Variants in LGR5 observed in about 807,000 individuals in gnomAD.
LGR5 encodes the protein leucine-rich repeat-containing G protein-coupled receptor 5.
Under a neutral mutation model 76.7 loss-of-function variants are expected in LGR5, and 54 were observed. That is an observed-to-expected ratio of 0.70 (90% CI 0.57 to 0.88). The LOEUF (loss-of-function observed/expected upper bound fraction) is 0.88. Among genes scored for constraint, LGR5 ranks in the 40% least tolerant of loss-of-function variants. LGR5 has a pLI of 0.00. For synonymous variants in LGR5, 406 were observed against 421.9 expected, an observed-to-expected ratio of 0.96 and a Z score of 0.46; for missense variants, 1,078 against 1,073.3, an observed-to-expected ratio of 1.00 and a Z score of -0.06.
At position 71,440,296 on chromosome 12, in the gene LGR5, A is replaced by G; in HGVS notation, c.212+4A>G. ...TCAGCGTCTTCACCTCCTACCTGTAAGTACTTCCCCACGTCACTCCGGGAG... is the reference window on the plus strand; with the variant it reads ...TCAGCGTCTTCACCTCCTACCTGTAGGTACTTCCCCACGTCACTCCGGGAG... On this transcript the variant is annotated splice_donor_region_variant and intron_variant, in intron 1 of 17. Transcript: ENST00000266674. The surrounding 1 kb of genome is among the most constrained non-coding windows in gnomAD (Gnocchi z 5.3). 6.2e-7 allele frequency: 1 copy of G among 1,608,692 alleles called. No homozygotes were observed. The highest frequency in any genetic ancestry group is 2.2e-5 in the East Asian group (1 of 44,848).
At chr12:71,459,469 A>G (rs764509477) in intron 1 of LGR5, among the ~76,000 whole-genome samples, 2 of 152,132 alleles carry the variant, frequency 1.3e-5, no homozygotes, top group Non-Finnish European at 2.9e-5. Context: ...AGAAAGCATG[A>G]GTCCCCTCTA....
intron 3 of LGR5, 41 bp downstream of exon 3, chr12:71,524,518 G>A (rs1348059153): frequency 7.3e-7 from 1 of 1,376,706 alleles, no homozygotes; most frequent in Non-Finnish European, 1.0e-6. Flanking sequence ...TCTGATTTTA[G>A]TGTCAAATGG....
chr12:71,556,870 G>T (rs534614014), intron 6 of LGR5, among the ~76,000 whole-genome samples, 180 bp downstream of exon 6: 1 of 152,276 alleles, frequency 6.6e-6, no homozygotes, highest in African/African-American at 2.4e-5. Flanking sequence ...ATAAAACTGG[G>T]ATTTTATTTT....
At chr12:71,494,274 C>T (rs1325308656) in intron 1 of LGR5, among the ~76,000 whole-genome samples, 2 of 150,506 alleles carry the variant, frequency 1.3e-5, no homozygotes, top group African/African-American at 5.0e-5. Context: ...GACTAGGTCT[C>T]ACTATGTTGC....
intron 1 of LGR5, among the ~76,000 whole-genome samples, chr12:71,449,788 C>T (rs931182958): frequency 1.3e-5 from 2 of 152,126 alleles, no homozygotes; most frequent in African/African-American, 4.8e-5. Flanking sequence ...GAGCTAATAC[C>T]TAACTACATT....
At chr12:71,526,426 C>G (rs921427174) in intron 3 of LGR5, among the ~76,000 whole-genome samples, 1 of 149,370 alleles carries the variant, frequency 6.7e-6, no homozygotes, top group Non-Finnish European at 1.5e-5. Context: ...TAAAATGTAC[C>G]CTTTCCATCA....
intron 1 of LGR5, among the ~76,000 whole-genome samples, chr12:71,501,951 T>C (rs149738097): frequency 0.012 from 1,766 of 152,272 alleles, 15 homozygotes; most frequent in Admixed American, 0.022. Flanking sequence ...CTTGTCCATT[T>C]TGAATTTTAT....
intron 14 of LGR5, among the ~76,000 whole-genome samples, chr12:71,578,353 C>T (rs910332281): frequency 6.6e-6 from 1 of 152,154 alleles, no homozygotes; most frequent in Non-Finnish European, 1.5e-5. Context: ...CCCTTCCCCC[C>T]ACGCCAACTT....
At chr12:71,502,074 A>T (rs1874632294) in intron 1 of LGR5, among the ~76,000 whole-genome samples, 1 of 152,210 alleles carries the variant, frequency 6.6e-6, no homozygotes, top group African/African-American at 2.4e-5. Flanking sequence ...TGTATTAGAA[A>T]ACAGGTGGTA....
chr12:71,513,448 T>G (rs7958460), intron 2 of LGR5, among the ~76,000 whole-genome samples: 6,467 of 152,280 alleles, frequency 0.042, 147 homozygotes, highest in South Asian at 0.067. Flanking sequence ...AAGACCAGCC[T>G]TCCTTTAACC....
At chr12:71,476,039 T>A (rs781775085) in intron 1 of LGR5, among the ~76,000 whole-genome samples, 22 of 152,084 alleles carry the variant, frequency 1.4e-4, no homozygotes, top group Non-Finnish European at 2.8e-4. Flanking sequence ...GTTGTCCTCT[T>A]TGAGCAGAAG....
At chr12:71,530,670 C>A (rs1876259618) in intron 3 of LGR5, among the ~76,000 whole-genome samples, 1 of 152,224 alleles carries the variant, frequency 6.6e-6, no homozygotes, top group South Asian at 2.1e-4. Flanking sequence ...AATTCTGAAC[C>A]AGGCTGTCCT....
At position 71,502,241 on chromosome 12, in the gene LGR5, A is replaced by AG. The variant is rs528219159; in HGVS notation, c.213-2371dup. On this transcript the variant is annotated intron_variant, in intron 1 of 17. Coordinates refer to ENST00000266674, the MANE Select transcript of LGR5 (RefSeq NM_003667.4). ...AGACAGAGTTTCGCTCTTGCTGCCC[A>AG]GGCTGGAGTGCAATGGTACAACCTC... Among the ~76,000 whole-genome samples the AG allele has an allele frequency of 6.3e-3, 823 of 130,638 alleles. 12 individuals carry two copies. Among genetic ancestry groups the AG allele is most frequent in the African/African-American group, 0.024 (795 of 33,744 alleles). 85.7% of individuals were successfully genotyped at this position (130,638 alleles called of 152,430 possible).
rs535572316 is a variant in LGR5 at position 71,472,239 on chromosome 12, T to C, written c.212+31947T>C. On this transcript the variant is annotated intron_variant, in intron 1 of 17. Coordinates refer to ENST00000266674, the MANE Select transcript of LGR5 (RefSeq NM_003667.4). ...TTTACTTACTCATATACTAATTTTA[T>C]ATACCATGTACAATTCATGACAAAA... Among the ~76,000 whole-genome samples, 5 of 152,352 alleles carry C rather than the reference T, an allele frequency of 3.3e-5. No individual in the cohort carries two copies. In the East Asian group the frequency reaches 9.6e-4, roughly 29 times the overall value.
intron 1 of LGR5, among the ~76,000 whole-genome samples, chr12:71,487,327 CA>C (rs1458401970): frequency 4.0e-4 from 61 of 152,262 alleles, no homozygotes; most frequent in African/African-American, 1.5e-3. Context: ...ATTCAATAAA[CA>C]AAAGTATTAA....
At chr12:71,496,391 A>AAG (rs561223061) in intron 1 of LGR5, among the ~76,000 whole-genome samples, 12,753 of 113,282 alleles carry the variant, frequency 0.11, 219 homozygotes, top group East Asian at 0.24. Context: ...AAAAAAAAAA[A>AAG]AGAGAGAGAG....
chr12:71,477,398 G>C (rs981375174), intron 1 of LGR5, among the ~76,000 whole-genome samples: 25 of 150,088 alleles, frequency 1.7e-4, no homozygotes, highest in Admixed American at 1.7e-3. Context: ...TTCATTATAA[G>C]GTTTGTAGTT....
chr12:71,568,397 T>C (rs183467973), intron 11 of LGR5, among the ~76,000 whole-genome samples: 1 of 152,330 alleles, frequency 6.6e-6, no homozygotes, highest in East Asian at 1.9e-4. Context: ...TCATGAGGAC[T>C]GATTAAATGA....
At chr12:71,467,599 A>G (rs1171550714) in intron 1 of LGR5, among the ~76,000 whole-genome samples, 1 of 152,212 alleles carries the variant, frequency 6.6e-6, no homozygotes, top group Non-Finnish European at 1.5e-5. Flanking sequence ...GGAAAGTATT[A>G]GCTACATGTA....
Sources: gnomAD v4.1 joint callset for allele counts (sites outside exome capture counted in the v4.1 genomes callset) on GRCh38, gnomAD v4.1.1 for gene constraint, Gnocchi (gnomAD v3.1) non-coding constraint, MANE v1.5 for transcripts, NCBI Gene and HGNC (gene_info 2026-07-23, HGNC 2026-07-21) for gene names.